CELSR3: variants seen among roughly 807,000 people sequenced by gnomAD.
The protein encoded by CELSR3 is EGF-like protein 1.
CELSR3 carries 73 observed loss-of-function variants against 270.0 expected under a neutral mutation model. The ratio of observed to expected loss-of-function variants is 0.27; its 90% CI spans 0.22 to 0.33. The LOEUF (loss-of-function observed/expected upper bound fraction) is 0.33. Ranked by LOEUF, CELSR3 falls within the 10% of genes least tolerant of loss-of-function variation. The pLI, the probability that CELSR3 is intolerant of heterozygous loss-of-function variation, is 1.00. For synonymous variants in CELSR3, 1,780 were observed against 1,905.4 expected, an observed-to-expected ratio of 0.93 and a Z score of 1.71; for missense variants, 3,614 against 4,533.8, an observed-to-expected ratio of 0.80 and a Z score of 5.83.
chr3:48,648,391 C>A lies in CELSR3; in HGVS notation c.6848G>T (p.Arg2283Leu). ...TGDLWAALGQ[R>L]APGGSPGSAG... ...GCTGCCTGGGGAGCCCCCAGGGGCCCGCTGCCCCAGCGCCGCCCACAAGTC... is the reference window on the plus strand; with the variant it reads ...GCTGCCTGGGGAGCCCCCAGGGGCCAGCTGCCCCAGCGCCGCCCACAAGTC... Residue 2283 changes from arginine to leucine, a missense_variant, in exon 19 of 35, where the codon CGG (arginine) becomes CTG (leucine). Coordinates refer to ENST00000164024, the MANE Select transcript of CELSR3 (RefSeq NM_001407.3). 2 of 1,610,538 alleles carry A rather than the reference C, an allele frequency of 1.2e-6. No individual in the cohort carries two copies. Among genetic ancestry groups the A allele is most frequent in the Non-Finnish European group, 1.7e-6 (2 of 1,179,080 alleles).
In CELSR3 at chr3:48,650,866, G is replaced by A. The variant is rs771832200; in HGVS notation, c.6370+26C>T. 89 of 1,603,184 alleles carry A rather than the reference G, an allele frequency of 5.6e-5. No individual in the cohort carries two copies. The highest frequency in any genetic ancestry group is 2.2e-4 in the Middle Eastern group (1 of 4,468). ...GGCACACTGGAACCAGCCCTCTATG[G>A]GTGGAGCTGGGTGGAGCCTGCTCAC... On this transcript the variant is annotated intron_variant, in intron 15 of 34. Transcript: ENST00000164024. The surrounding 1 kb of genome is among the most constrained non-coding windows in gnomAD (Gnocchi z 5.1).
chr3:48,654,908 G>T lies in CELSR3; in HGVS notation c.4988+136C>A. On this transcript the variant is annotated intron_variant, in intron 6 of 34. Coordinates refer to ENST00000164024, the MANE Select transcript of CELSR3 (RefSeq NM_001407.3). This position sits in a 1 kb window ranked among gnomAD's most constrained non-coding sequence, Gnocchi z 5.4. Reference sequence around the variant, plus strand: ...GGGTGAGTAGGCTTTCAGGGTCTTTGAGAGGAGAGGGGAATCTTGGTGGTT... The same window carrying T: ...GGGTGAGTAGGCTTTCAGGGTCTTTTAGAGGAGAGGGGAATCTTGGTGGTT... The T allele has an allele frequency of 1.1e-6, 1 of 895,564 alleles. No homozygotes were observed. The highest frequency in any genetic ancestry group is 1.8e-6 in the Non-Finnish European group (1 of 563,000). 55.5% of individuals were successfully genotyped at this position (895,564 alleles called of 1,614,324 possible). A position where few individuals can be genotyped will look rare whatever the true frequency, so the allele number is the denominator to read the frequency against.
At position 48,645,778 on chromosome 3, in the gene CELSR3, C is replaced by T. The variant is rs754113319; in HGVS notation, c.7554G>A (p.Gly2518=). 4 of 1,611,920 alleles carry T rather than the reference C, an allele frequency of 2.5e-6. No individual in the cohort carries two copies. The highest frequency in any genetic ancestry group is 2.5e-6 in the Non-Finnish European group (3 of 1,179,302). The change falls in exon 23 of 35, where the codon GGG becomes GGA. Residue 2518 remains glycine (G), a synonymous_variant. Transcript: ENST00000164024. The surrounding 1 kb of genome is among the most constrained non-coding windows in gnomAD (Gnocchi z 5.4). ...AGGCATCCATGAGGACCCCAAAGGT[C>T]CCTGTCCGGCTGCAGCGACACCGTG... is the stretch of plus-strand genomic sequence containing the variant. The part of the protein sequence containing the change: ...SHARCRCSRT[G]TFGVLMDASP...
chr3:48,649,384 C>A (rs2047116677), intron 16 of CELSR3, among the ~76,000 whole-genome samples, 169 bp from the exon 17 acceptor site: 1 of 152,242 alleles, frequency 6.6e-6, no homozygotes, highest in Non-Finnish European at 1.5e-5. Flanking sequence ...TAGGCCCCAG[C>A]TGCTTGTCAG....
chr3:48,641,964 C>G lies in CELSR3; in HGVS notation c.8711G>C (p.Arg2904Thr), dbSNP rs1296021506. The G allele has an allele frequency of 6.3e-7, 1 of 1,589,206 alleles. No individual in the cohort carries two copies. The highest frequency in any genetic ancestry group is 1.9e-5 in the Admixed American group (1 of 53,490). ...TTCTGAAGATGGAATGGAGAGACTC[C>G]TCTCCTCCTCCAAGGACAGGTCACT... is the stretch of plus-strand genomic sequence containing the variant. ...SDSDLSLEEE[R>T]SLSIPSSESE... The change falls in exon 32 of 35, where the codon AGG (arginine) becomes ACG (threonine). Residue 2904 changes from arginine (R) to threonine (T), a missense_variant. By Grantham distance (71) the Arg-to-Thr change is moderately conservative (BLOSUM62 -1). Coordinates refer to ENST00000164024, the MANE Select transcript of CELSR3 (RefSeq NM_001407.3). This position sits in a 1 kb window ranked among gnomAD's most constrained non-coding sequence, Gnocchi z 4.8.
chr3:48,653,760 G>C lies in CELSR3; in HGVS notation c.5307C>G (p.Gly1769=). The change falls in exon 9 of 35, where the codon GGC becomes GGG. Residue 1769 remains glycine, a synonymous_variant. Coordinates refer to ENST00000164024, the MANE Select transcript of CELSR3 (RefSeq NM_001407.3). This position sits in a 1 kb window ranked among gnomAD's most constrained non-coding sequence, Gnocchi z 6.5. The part of the protein sequence containing the change: ...LTMAHPHHFR[G]NGTLSWNFGS... Reference sequence around the variant, plus strand: ...CAAAGTTCCAGCTCAGTGTGCCGTTGCCACGGAAATGGTGGGGATGGGCCA... The same window carrying C: ...CAAAGTTCCAGCTCAGTGTGCCGTTCCCACGGAAATGGTGGGGATGGGCCA... The C allele has an allele frequency of 6.2e-7, 1 of 1,614,184 alleles. No homozygotes were observed. The highest frequency in any genetic ancestry group is 1.3e-5 in the African/African-American group (1 of 75,058).
rs372105067 is a variant in CELSR3 at position 48,651,998 on chromosome 3, G to A, written c.5802C>T (p.Pro1934=). Reference sequence around the variant, plus strand: ...CAGGCTCCGCATTCACTCGGTGGCTGGGGGGTAGCAGGGCCGGGGAGCCAG... The same window carrying A: ...CAGGCTCCGCATTCACTCGGTGGCTAGGGGGTAGCAGGGCCGGGGAGCCAG... ...TPSGSPALLP[P]SHRVNAEPGC... The change falls in exon 12 of 35, where the codon CCC becomes CCT. Residue 1934 remains proline, a synonymous_variant. Coordinates refer to ENST00000164024, the MANE Select transcript of CELSR3 (RefSeq NM_001407.3). This position sits in a 1 kb window ranked among gnomAD's most constrained non-coding sequence, Gnocchi z 7.4. The A allele has an allele frequency of 1.9e-6, 3 of 1,587,120 alleles. No homozygotes were observed. The highest frequency in any genetic ancestry group is 2.7e-5 in the African/African-American group (2 of 73,816).
rs747223786 is a variant in CELSR3 at position 48,640,540 on chromosome 3, C to T, written c.9045G>A (p.Leu3015=). 35 of 1,590,638 alleles carry T rather than the reference C, an allele frequency of 2.2e-5. No individual in the cohort carries two copies. The highest frequency in any genetic ancestry group is 2.8e-5 in the Non-Finnish European group (33 of 1,165,634). Residue 3015 remains leucine (L), a synonymous_variant, in exon 34 of 35, where the codon TTG becomes TTA. Transcript: ENST00000164024. The surrounding 1 kb of genome is among the most constrained non-coding windows in gnomAD (Gnocchi z 7.5). ...GGGTCTGTGGCACCAGTGGGTATTG[C>T]AACCGGTTCTTCAGGATGCCTGTGA... The part of the protein sequence containing the change: ...RQRKGILKNR[L]QYPLVPQTRG...
At position 48,641,826 on chromosome 3, in the gene CELSR3, C is replaced by T. The variant is rs774508555; in HGVS notation, c.8824+25G>A. The T allele has an allele frequency of 3.9e-5, 56 of 1,441,004 alleles. No individual in the cohort carries two copies. The highest frequency in any genetic ancestry group is 4.8e-5 in the Non-Finnish European group (52 of 1,094,632). 89.3% of individuals were successfully genotyped at this position (1,441,004 alleles called of 1,614,324 possible). On this transcript the variant is annotated intron_variant, in intron 32 of 34. Coordinates refer to ENST00000164024, the MANE Select transcript of CELSR3 (RefSeq NM_001407.3). This position sits in a 1 kb window ranked among gnomAD's most constrained non-coding sequence, Gnocchi z 4.8. ...ACAAATGGGGCATCCCTTGGTCACCCAAGGGGTCAGAGGGCGCCTGGCACC... is the reference window on the plus strand; with the variant it reads ...ACAAATGGGGCATCCCTTGGTCACCTAAGGGGTCAGAGGGCGCCTGGCACC...
rs1248336576 is a variant in CELSR3 at position 48,654,718 on chromosome 3, G to T, written c.4989-266C>A. 6.6e-6 allele frequency among the ~76,000 whole-genome samples: 1 copy of T among 152,052 alleles called. No individual in the cohort carries two copies. Among genetic ancestry groups the T allele is most frequent in the African/African-American group, 2.4e-5 (1 of 41,386 alleles). On this transcript the variant is annotated intron_variant, in intron 6 of 34. Transcript: ENST00000164024. This position sits in a 1 kb window ranked among gnomAD's most constrained non-coding sequence, Gnocchi z 5.4. The stretch of plus-strand genomic sequence containing the variant: ...GAGGCATCTGGCTGGCTGGGGAGGG[G>T]ATGGAGACGTGAAGACTCTGGGGGA...
rs1490883607 is a variant in CELSR3, at chr3:48,656,291, C to CGGTGCA, written c.4468_4473dup (p.Cys1490_Thr1491dup). ...CAGCGAAAGCCGCCGTTGGGCGCGT[C>CGGTGCA]GGTGCAGGTGCCCCCGTTGCGGCAG... is the stretch of plus-strand genomic sequence containing the variant. On this transcript the variant is annotated inframe_insertion, in exon 3 of 35. Transcript: ENST00000164024. 4.6e-6 allele frequency: 7 copies of CGGTGCA among 1,531,768 alleles called. No homozygotes were observed. The highest frequency in any genetic ancestry group is 8.7e-7 in the Non-Finnish European group (1 of 1,145,178). The allele number at this position is 1,531,768 out of a possible 1,614,324, so 94.9% of individuals were successfully genotyped here.
chr3:48,657,263 G>A lies in CELSR3; in HGVS notation c.3834C>T (p.Arg1278=). ...EELLANSLTV[R]LENMWQERFL... ...AGCGCTCCTGCCACATGTTCTCAAG[G>A]CGCACGGTCAGGCTGTTGGCCAGCA... is the stretch of plus-strand genomic sequence containing the variant. The change falls in exon 2 of 35, where the codon CGC becomes CGT. Residue 1278 remains arginine, a synonymous_variant. Coordinates refer to ENST00000164024, the MANE Select transcript of CELSR3 (RefSeq NM_001407.3). The surrounding 1 kb of genome is among the most constrained non-coding windows in gnomAD (Gnocchi z 5.4). 6.2e-7 allele frequency: 1 copy of A among 1,612,756 alleles called. No individual in the cohort carries two copies.
chr3:48,661,443 G>C lies in CELSR3; in HGVS notation c.1192C>G (p.Arg398Gly). 1 of 1,610,430 alleles carries C rather than the reference G, an allele frequency of 6.2e-7. No individual in the cohort carries two copies. Among genetic ancestry groups the C allele is most frequent in the Non-Finnish European group, 8.5e-7 (1 of 1,178,926 alleles). Residue 398 changes from arginine to glycine, a missense_variant, in exon 1 of 35, where the codon CGT (arginine) becomes GGT (glycine). By Grantham distance (125) the Arg-to-Gly change is moderately radical (BLOSUM62 -2). Around this residue, in one of 7 missense-constraint regions of CELSR3, gnomAD observed 354 missense variants for 500.9 expected, o/e 0.71. Coordinates refer to ENST00000164024, the MANE Select transcript of CELSR3 (RefSeq NM_001407.3). ...AAALDRESMERHYLRVTAQDH... is the reference protein window; with the variant it reads ...AAALDRESMEGHYLRVTAQDH... Reference sequence around the variant, plus strand: ...TGCGCGGTCACACGCAGGTAGTGACGCTCCATGCTCTCGCGGTCCAGAGCT... The same window carrying C: ...TGCGCGGTCACACGCAGGTAGTGACCCTCCATGCTCTCGCGGTCCAGAGCT...
At position 48,648,901 on chromosome 3, in the gene CELSR3, C is replaced by T. The variant is rs2047112172; in HGVS notation, c.6595G>A (p.Ala2199Thr). 1 of 1,612,862 alleles carries T rather than the reference C, an allele frequency of 6.2e-7. No homozygotes were observed. Among genetic ancestry groups the T allele is most frequent in the Admixed American group, 1.7e-5 (1 of 60,014 alleles). The change falls in exon 18 of 35, where the codon GCA (alanine) becomes ACA (threonine). Residue 2199 changes from alanine (A) to threonine (T), a missense_variant. Physicochemically the swap from Ala to Thr is moderately conservative, Grantham distance 58. This residue lies in a region of CELSR3 where 1,331 missense variants were observed against 1,933.7 expected (regional missense o/e 0.69). Coordinates refer to ENST00000164024, the MANE Select transcript of CELSR3 (RefSeq NM_001407.3). ...TTCTTGGCCTCCATGGTATCCAGTG[C>T]CGTCTTGTTCAGCTCTAGGCCATCC... is the stretch of plus-strand genomic sequence containing the variant. ...LLDGLELNKT[A>T]LDTMEAKKLA...
Position 48,655,023 on chromosome 3 carries a change from A to C in CELSR3, c.4988+21T>G. 6.2e-7 allele frequency: 1 copy of C among 1,612,140 alleles called. No homozygotes were observed. The highest frequency in any genetic ancestry group is 8.5e-7 in the Non-Finnish European group (1 of 1,178,778). On this transcript the variant is annotated intron_variant, in intron 6 of 34. Coordinates refer to ENST00000164024, the MANE Select transcript of CELSR3 (RefSeq NM_001407.3). The surrounding 1 kb of genome is among the most constrained non-coding windows in gnomAD (Gnocchi z 5.8). Reference sequence around the variant, plus strand: ...GCTTTGGTAGGCAGGGGACAAGGGGACTAGGGGGCAGGGGCCTCACTTCTT... The same window carrying C: ...GCTTTGGTAGGCAGGGGACAAGGGGCCTAGGGGGCAGGGGCCTCACTTCTT...
chr3:48,651,922 C>T lies in CELSR3; in HGVS notation c.5878G>A (p.Asp1960Asn). The T allele has an allele frequency of 6.2e-7, 1 of 1,612,482 alleles. No individual in the cohort carries two copies. The highest frequency in any genetic ancestry group is 1.1e-5 in the South Asian group (1 of 90,954). Residue 1960 changes from aspartate to asparagine, a missense_variant, in exon 12 of 35, where the codon GAC becomes AAC. Physicochemically the swap from Asp to Asn is conservative, Grantham distance 23. This residue lies in a region of CELSR3 where 1,331 missense variants were observed against 1,933.7 expected (regional missense o/e 0.69). Coordinates refer to ENST00000164024, the MANE Select transcript of CELSR3 (RefSeq NM_001407.3). The surrounding 1 kb of genome is among the most constrained non-coding windows in gnomAD (Gnocchi z 7.4). ...CASGPCPPHA[D>N]CRDLWQTFSC... ...AAGGTCTGCCAGAGGTCCCGGCAGT[C>T]TGCGTGAGGTGGGCAGGGCCCAGAG...
Position 48,650,504 on chromosome 3 carries a change from C to G in CELSR3, c.6448G>C (p.Val2150Leu), listed in dbSNP as rs138681661. ...CCCAGGGCCCCCCGGGGACAGGGCACTGTGGCCAGGACGCCAAACTTTGTC... is the reference window on the plus strand; with the variant it reads ...CCCAGGGCCCCCCGGGGACAGGGCAGTGTGGCCAGGACGCCAAACTTTGTC... ...PQTKFGVLAT[V>L]PCPRGALGAA... Residue 2150 changes from valine (V) to leucine (L), a missense_variant, in exon 16 of 35, where the codon GTG becomes CTG. By Grantham distance (32) the Val-to-Leu change is conservative (BLOSUM62 1). Coordinates refer to ENST00000164024, the MANE Select transcript of CELSR3 (RefSeq NM_001407.3). This position sits in a 1 kb window ranked among gnomAD's most constrained non-coding sequence, Gnocchi z 5.1. 4.3e-6 allele frequency: 7 copies of G among 1,609,576 alleles called. No homozygotes were observed. The highest frequency in any genetic ancestry group is 5.9e-6 in the Non-Finnish European group (7 of 1,178,204).
At position 48,661,782 on chromosome 3, in the gene CELSR3, G is replaced by T. The variant is rs1053309812; in HGVS notation, c.853C>A (p.Arg285Ser). The change falls in exon 1 of 35, where the codon CGC becomes AGC. Residue 285 changes from arginine to serine, a missense_variant. This residue lies in a region of CELSR3 where 470 missense variants were observed against 469.7 expected (regional missense o/e 1.00). Transcript: ENST00000164024. The stretch of plus-strand genomic sequence containing the variant: ...GGCCCGGGGCGCTGCGGGAGGAAGC[G>T]GCAGCGGAAGAGACCCCGGGAGCGC... ...RMRSRGLFRCRFLPQRPGPRP... is the reference protein window; with the variant it reads ...RMRSRGLFRCSFLPQRPGPRP... 2.5e-6 allele frequency: 4 copies of T among 1,602,816 alleles called. No homozygotes were observed. The highest frequency in any genetic ancestry group is 3.4e-6 in the Non-Finnish European group (4 of 1,176,448).
At position 48,660,781 on chromosome 3, in the gene CELSR3, C is replaced by T. The variant is rs761476504; in HGVS notation, c.1854G>A (p.Leu618=). ...LDFEAEREYA[L]RIRAQDAGRP... is the part of the protein sequence containing the mutation. ...GGCCAGCATCCTGCGCCCTGATGCG[C>T]AAGGCATACTCTCTCTCTGCCTCGA... The change falls in exon 1 of 35, where the codon TTG becomes TTA. Residue 618 remains leucine (L), a synonymous_variant. Transcript: ENST00000164024. The surrounding 1 kb of genome is among the most constrained non-coding windows in gnomAD (Gnocchi z 5.5). The T allele has an allele frequency of 8.7e-6, 14 of 1,614,024 alleles. No individual in the cohort carries two copies. In the Admixed American group the frequency reaches 2.2e-4, roughly 25 times the overall value.
Sources: gnomAD v4.1 joint callset for allele counts (sites outside exome capture counted in the v4.1 genomes callset) on GRCh38, gnomAD v4.1.1 for gene constraint, gnomAD v4.1.1 regional missense constraint, Gnocchi (gnomAD v3.1) non-coding constraint, MANE v1.5 for transcripts, NCBI Gene and HGNC (gene_info 2026-07-23, HGNC 2026-07-21) for gene names.